The following CASD1 variants were observed in gnomAD, a reference collection of about 807,000 sequenced individuals.
CASD1 encodes N-acetylneuraminate (7)9-O-acetyltransferase.
In CASD1, 41 loss-of-function variants were observed where a neutral mutation model predicts 100.0. The ratio of observed to expected loss-of-function variants is 0.41; its 90% confidence interval spans 0.32 to 0.53. CASD1 has a LOEUF of 0.53. Among genes scored for constraint, CASD1 ranks in the 20% least tolerant of loss-of-function variants. The probability of loss-of-function intolerance (pLI) is 0.25; values close to 1 mark genes in which losing one functional copy is unlikely to be tolerated. For missense variants in CASD1, 774 were observed against 948.7 expected, an observed-to-expected ratio of 0.82 and a Z score of 2.42; for synonymous variants, 321 against 315.6, an observed-to-expected ratio of 1.02 and a Z score of -0.18.
At chr7:94,588,457 C>A in the CASD1 span, 1 of 1,339,540 alleles carries the variant, frequency 7.5e-7, no homozygotes, top group Non-Finnish European at 9.6e-7. Context: ...TTAGACAGGA[C>A]CTCCATGGAT....
At chr7:94,591,504 T>C in the CASD1 span, among the ~76,000 whole-genome samples, 1 of 152,144 alleles carries the variant, frequency 6.6e-6, no homozygotes, top group Non-Finnish European at 1.5e-5. Context: ...AAAGAAAATA[T>C]AGAATGTAGG....
At position 94,556,561 on chromosome 7, in the gene CASD1, C is replaced by T. The variant is rs1796211687; in HGVS notation, c.*803C>T. 1 of 151,994 alleles carries T rather than the reference C, an allele frequency of 6.6e-6. No homozygotes were observed. The highest frequency in any genetic ancestry group is 2.4e-5 in the African/African-American group (1 of 41,418). The allele number at this position is 151,994 out of a possible 1,614,324, so 9.4% of individuals were successfully genotyped here. A position where few individuals can be genotyped will look rare whatever the true frequency, so the allele number is the denominator to read the frequency against. ...GTGGATCCATTTAATATGTTATCCC[C>T]ACTAATTAATTTTCGTATATTATTT... On this transcript the variant is annotated 3_prime_UTR_variant, in exon 18 of 18. Transcript: ENST00000297273.
chr7:94,633,674 T>C, the CASD1 span, among the ~76,000 whole-genome samples: 3 of 152,174 alleles, frequency 2.0e-5, no homozygotes, highest in African/African-American at 7.2e-5. Flanking sequence ...TTTCCTTTAC[T>C]AATAGTCCAG....
At chr7:94,599,089 C>A in the CASD1 span, 1 of 673,080 alleles carries the variant, frequency 1.5e-6, no homozygotes, top group Non-Finnish European at 2.5e-6. Context: ...GCACTTTGGG[C>A]ATTCAATAAA....
the CASD1 span, among the ~76,000 whole-genome samples, chr7:94,562,314 C>T: frequency 9.2e-5 from 14 of 152,130 alleles, no homozygotes; most frequent in Non-Finnish European, 1.5e-5. Context: ...TTTGCCTAGC[C>T]TTATAAGCCA....
At chr7:94,518,578 T>G (rs930583774) in intron 3 of CASD1, among the ~76,000 whole-genome samples, 2 of 152,158 alleles carry the variant, frequency 1.3e-5, no homozygotes, top group Non-Finnish European at 2.9e-5. Context: ...ATTCTTACCA[T>G]GGAAAAACTT....
intron 13 of CASD1, among the ~76,000 whole-genome samples, chr7:94,548,613 T>TTAAAA (rs1355865614): frequency 6.6e-6 from 1 of 151,844 alleles, no homozygotes; most frequent in Non-Finnish European, 1.5e-5. Context: ...TTGCGTTTTA[T>TTAAAA]TAAAATAATA....
chr7:94,606,015 G>C, the CASD1 span, among the ~76,000 whole-genome samples: 5 of 151,952 alleles, frequency 3.3e-5, no homozygotes, highest in Non-Finnish European at 5.9e-5. Context: ...TTTCGGTAGA[G>C]ATGGGTTTTC....
chr7:94,546,990 ATTATT>A (rs1414462786), intron 12 of CASD1, 101 bp from the exon 13 acceptor site: 13 of 618,710 alleles, frequency 2.1e-5, no homozygotes, highest in Non-Finnish European at 3.4e-5. Context: ...GCATTCTTAT[ATTATT>A]TTAAGAACTA....
At chr7:94,596,881 CAA>C in the CASD1 span, among the ~76,000 whole-genome samples, 1 of 152,064 alleles carries the variant, frequency 6.6e-6, no homozygotes. Context: ...CTAGGGTAAA[CAA>C]TATCAGAAAT....
At chr7:94,628,080 A>C in the CASD1 span, 2 of 725,154 alleles carry the variant, frequency 2.8e-6, no homozygotes, top group Admixed American at 4.3e-5. Flanking sequence ...CATGCACAAA[A>C]TATTAAAAAC....
chr7:94,545,067 T>C (rs1187663744), intron 11 of CASD1, among the ~76,000 whole-genome samples: 5 of 152,258 alleles, frequency 3.3e-5, no homozygotes, highest in Middle Eastern at 3.4e-3. Context: ...CAAGCTGATA[T>C]CTGAAATGAC....
Position 94,527,388 on chromosome 7 carries a change from ATCT to A in CASD1, c.396+184_396+186del, listed in dbSNP as rs370691256. ...CTCAAAATTTTATTTGGAAAGAATA[ATCT>A]TGCACATGAATTTGAAACCAGTATG... is the stretch of plus-strand genomic sequence containing the variant. On this transcript the variant is annotated intron_variant, in intron 4 of 17. Transcript: ENST00000297273. Among the ~76,000 whole-genome samples the A allele has an allele frequency of 6.4e-4, 97 of 152,312 alleles. 1 individual carries two copies. The East Asian group carries it at 0.016, about 25-fold the overall frequency.
chr7:94,544,585 A>G, intron 11 of CASD1, 55 bp downstream of exon 11: 1 of 1,559,920 alleles, frequency 6.4e-7, no homozygotes, highest in South Asian at 1.2e-5. Flanking sequence ...TTCTTGAGAA[A>G]GCATTAACTT....
intron 1 of CASD1, among the ~76,000 whole-genome samples, chr7:94,514,374 A>G (rs1386892037): frequency 6.6e-6 from 1 of 152,192 alleles, no homozygotes; most frequent in East Asian, 1.9e-4. Context: ...AACTTGCTGT[A>G]TCTTAGGCAA....
chr7:94,594,701 G>A, the CASD1 span, among the ~76,000 whole-genome samples: 2 of 152,172 alleles, frequency 1.3e-5, no homozygotes, highest in East Asian at 1.9e-4. Flanking sequence ...TGGCTGAGGC[G>A]TATCTGGGAA....
At chr7:94,589,841 T>A in the CASD1 span, 2 of 166,018 alleles carry the variant, frequency 1.2e-5, no homozygotes, top group Non-Finnish European at 2.5e-5. Flanking sequence ...AATATTTCAT[T>A]ATATATTACA....
intron 13 of CASD1, among the ~76,000 whole-genome samples, chr7:94,548,883 C>G (rs540998816): frequency 2.0e-5 from 3 of 151,890 alleles, no homozygotes; most frequent in African/African-American, 7.2e-5. Context: ...CCCTTCAATC[C>G]CAGATTTTCC....
intron 9 of CASD1, among the ~76,000 whole-genome samples, chr7:94,538,700 T>C (rs796439562): frequency 6.6e-6 from 1 of 152,282 alleles, no homozygotes; most frequent in African/African-American, 2.4e-5. Context: ...TACATTGTCA[T>C]TTAATACAAA....
Sources: gnomAD v4.1 joint callset for allele counts (sites outside exome capture counted in the v4.1 genomes callset) on GRCh38, gnomAD v4.1.1 for gene constraint, MANE v1.5 for transcripts, NCBI Gene and HGNC (gene_info 2026-07-23, HGNC 2026-07-21) for gene names.